Variants in MCTP2 observed in about 807,000 individuals in gnomAD.
The protein encoded by MCTP2 is multiple C2 and transmembrane domain containing 2.
Under a neutral mutation model 111.6 loss-of-function variants are expected in MCTP2, and 132 were observed. The ratio of observed to expected loss-of-function variants is 1.18; its 90% CI spans 1.03 to 1.37. The LOEUF is 1.37. Among genes scored for constraint, MCTP2 ranks in the 40% most tolerant of loss-of-function variants. The pLI is 0.00. For missense variants in MCTP2, 1,183 were observed against 1,067.9 expected (o/e 1.11, Z -1.50); for synonymous variants, 395 against 387.7 (o/e 1.02, Z -0.22).
In MCTP2 at chr15:94,367,179, CT is replaced by C. The variant is rs60889070; in HGVS notation, c.1302-417del. On this transcript the variant is annotated intron_variant, in intron 10 of 22. Coordinates refer to ENST00000357742, the MANE Select transcript of MCTP2 (RefSeq NM_001385001.1). ...CCTCTCCCACTTGCCTTTCTCTTAT[CT>C]TTTTTTTTCCTTCATGTTTTGAGCC... 3.3e-3 allele frequency among the ~76,000 whole-genome samples: 503 copies of C among 151,752 alleles called. 4 individuals are homozygous for C. The highest frequency in any genetic ancestry group is 6.1e-3 in the Admixed American group (93 of 15,236).
At chr15:94,246,992 G>C (rs1048237533) in intron 1 of MCTP2, among the ~76,000 whole-genome samples, 4 of 152,156 alleles carry the variant, frequency 2.6e-5, no homozygotes, top group Non-Finnish European at 4.4e-5. Flanking sequence ...AAACTCCCAT[G>C]ATCTGGGCAA....
At chr15:94,433,461 C>T (rs1017048313) in intron 17 of MCTP2, among the ~76,000 whole-genome samples, 4 of 152,068 alleles carry the variant, frequency 2.6e-5, no homozygotes, top group Admixed American at 6.5e-5. Context: ...TCCTAACATA[C>T]GTGATTTTTC....
intron 4 of MCTP2, among the ~76,000 whole-genome samples, chr15:94,333,530 G>A (rs1440515649): frequency 1.3e-5 from 2 of 151,948 alleles, no homozygotes; most frequent in Non-Finnish European, 2.9e-5. Flanking sequence ...TTCTTGAGCT[G>A]TTCAATGTGA....
intron 1 of MCTP2, among the ~76,000 whole-genome samples, chr15:94,243,858 C>T (rs1188207049): frequency 2.0e-5 from 3 of 146,540 alleles, no homozygotes; most frequent in Non-Finnish European, 4.5e-5. Flanking sequence ...TATATGTATA[C>T]ACATACATAT....
intron 2 of MCTP2, among the ~76,000 whole-genome samples, chr15:94,299,663 TACTGAC>T (rs1426571805): frequency 9.8e-5 from 15 of 152,372 alleles, no homozygotes; most frequent in African/African-American, 3.6e-4. Flanking sequence ...AGTCTTTCGT[TACTGAC>T]ACTGAAGTAG....
chr15:94,283,913 C>T (rs937431240), intron 1 of MCTP2, among the ~76,000 whole-genome samples: 11 of 152,134 alleles, frequency 7.2e-5, no homozygotes, highest in African/African-American at 2.4e-4. Context: ...TGACTCTTGG[C>T]ACCATATAAA....
intron 1 of MCTP2, among the ~76,000 whole-genome samples, chr15:94,279,819 T>C (rs2152311496): frequency 6.6e-6 from 1 of 152,282 alleles, no homozygotes; most frequent in Admixed American, 6.5e-5. Context: ...ACATGAAGGA[T>C]TTTGGATTTT....
intron 1 of MCTP2, among the ~76,000 whole-genome samples, chr15:94,280,615 T>C (rs1468103567): frequency 1.3e-5 from 2 of 152,096 alleles, no homozygotes; most frequent in Non-Finnish European, 2.9e-5. Context: ...ACTCCAACTT[T>C]TGTTATTTTT....
intron 14 of MCTP2, among the ~76,000 whole-genome samples, chr15:94,389,628 G>A (rs1463433655): frequency 1.3e-5 from 2 of 152,002 alleles, no homozygotes; most frequent in Non-Finnish European, 2.9e-5. Flanking sequence ...TTTTTAACGT[G>A]AGCAAGAATC....
At position 94,476,718 on chromosome 15, in the gene MCTP2, G is replaced by T. The variant is rs764004896; in HGVS notation, c.2493G>T (p.Lys831Asn). ...LIWGINKFTKKLRNPYSIDNN... is the reference protein window; with the variant it reads ...LIWGINKFTKNLRNPYSIDNN... The stretch of plus-strand genomic sequence containing the variant: ...CAGGCATAAATAAATTTACTAAGAA[G>T]CTTCGAAATCCCTATTCCATCGACA... The change falls in exon 22 of 23, where the codon AAG (lysine) becomes AAT (asparagine). Residue 831 changes from lysine to asparagine, a missense_variant. Coordinates refer to ENST00000357742, the MANE Select transcript of MCTP2 (RefSeq NM_001385001.1). 6.6e-5 allele frequency: 105 copies of T among 1,600,570 alleles called. 1 individual carries two copies. In the Admixed American group the frequency reaches 1.7e-3, roughly 26 times the overall value.
chr15:94,422,604 T>C (rs1363932488), intron 17 of MCTP2, among the ~76,000 whole-genome samples: 3 of 152,200 alleles, frequency 2.0e-5, no homozygotes, highest in Non-Finnish European at 4.4e-5. Context: ...TCTAAATATT[T>C]GATCATATCA....
chr15:94,417,583 G>T (rs1372163709), intron 17 of MCTP2, among the ~76,000 whole-genome samples: 1 of 152,088 alleles, frequency 6.6e-6, no homozygotes, highest in Non-Finnish European at 1.5e-5. Flanking sequence ...TTTCAGCATT[G>T]TAAGAAAGCT....
intron 21 of MCTP2, among the ~76,000 whole-genome samples, chr15:94,474,135 A>G (rs182990205): frequency 6.6e-6 from 1 of 152,276 alleles, no homozygotes; most frequent in African/African-American, 2.4e-5. Context: ...ATTTTACAAC[A>G]GATATACCCT....
chr15:94,294,105 C>G (rs572229838), intron 1 of MCTP2, among the ~76,000 whole-genome samples: 3 of 152,266 alleles, frequency 2.0e-5, no homozygotes, highest in African/African-American at 7.2e-5. Flanking sequence ...TGAAAGAAGC[C>G]TGTCTCTAAA....
At chr15:94,244,177 C>G (rs1182994286) in intron 1 of MCTP2, among the ~76,000 whole-genome samples, 2 of 144,092 alleles carry the variant, frequency 1.4e-5, no homozygotes, top group Non-Finnish European at 3.0e-5. Flanking sequence ...TATACACATA[C>G]GTATGTGTAT....
At chr15:94,457,213 T>A (rs1281371732) in intron 19 of MCTP2, among the ~76,000 whole-genome samples, 1 of 152,130 alleles carries the variant, frequency 6.6e-6, no homozygotes, top group African/African-American at 2.4e-5. Context: ...ATTGACTACA[T>A]CCCAATTACA....
chr15:94,265,943 A>C (rs2073496609), intron 1 of MCTP2, among the ~76,000 whole-genome samples: 1 of 152,208 alleles, frequency 6.6e-6, no homozygotes, highest in African/African-American at 2.4e-5. Context: ...CCACAATTTC[A>C]GTATTTTCGT....
intron 8 of MCTP2, among the ~76,000 whole-genome samples, chr15:94,348,144 A>T (rs911199040): frequency 1.3e-5 from 2 of 152,036 alleles, no homozygotes; most frequent in African/African-American, 2.4e-5. Flanking sequence ...TTCTGTACGA[A>T]ATTAATTGAC....
intron 4 of MCTP2, among the ~76,000 whole-genome samples, chr15:94,320,340 A>G (rs1334796438): frequency 2.6e-5 from 4 of 151,664 alleles, no homozygotes; most frequent in Non-Finnish European, 5.9e-5. Context: ...ACAGGGTTTC[A>G]CCGTGTTAGC....
Sources: allele counts gnomAD v4.1 joint callset (sites outside exome capture counted in the v4.1 genomes callset), GRCh38; gene constraint gnomAD v4.1.1; transcripts MANE v1.5; gene names NCBI Gene and HGNC (gene_info 2026-07-23, HGNC 2026-07-21).